CDK19: variants seen among roughly 807,000 people sequenced by gnomAD.
CDK19 encodes the protein cyclin-dependent kinase 19.
CDK19 carries 20 observed loss-of-function variants against 68.3 expected under a neutral mutation model. That is an observed-to-expected ratio of 0.29 (90% CI 0.21 to 0.43). The LOEUF (loss-of-function observed/expected upper bound fraction) is 0.43, where lower values mean the gene tolerates loss of function less well. Ranked by LOEUF, CDK19 falls within the 20% of genes least tolerant of loss-of-function variation. The pLI, the probability that CDK19 is intolerant of heterozygous loss-of-function variation, is 1.00. For synonymous variants in CDK19, 221 were observed against 222.8 expected (o/e 0.99, Z 0.07); for missense variants, 339 against 623.5 (o/e 0.54, Z 4.86).
At chr6:110,776,259 C>T (rs1327827924) in intron 1 of CDK19, among the ~76,000 whole-genome samples, 1 of 151,840 alleles carries the variant, frequency 6.6e-6, no homozygotes, top group Non-Finnish European at 1.5e-5. Flanking sequence ...CAAAAACCCG[C>T]CTCTACTAAA....
rs1778165912 is a variant in CDK19, at chr6:110,614,183, T to C, written c.*352A>G. ...ACATTAAAATCCTATTAAAAGAGCT[T>C]TGAAAAGATAAACCATAGTGATTGC... On this transcript the variant is annotated 3_prime_UTR_variant, in exon 13 of 13. Transcript: ENST00000368911. 5.7e-6 allele frequency: 1 copy of C among 176,224 alleles called. No homozygotes were observed. Among genetic ancestry groups the C allele is most frequent in the South Asian group, 1.7e-4 (1 of 5,786 alleles). 10.9% of individuals were successfully genotyped at this position (176,224 alleles called of 1,614,324 possible). A position where few individuals can be genotyped will look rare whatever the true frequency, so the allele number is the denominator to read the frequency against.
At chr6:110,661,649 A>G (rs532777524) in intron 4 of CDK19, among the ~76,000 whole-genome samples, 2 of 152,288 alleles carry the variant, frequency 1.3e-5, no homozygotes, top group Admixed American at 1.3e-4. Context: ...AAGAAATCAT[A>G]TCTGACTCAA....
intron 12 of CDK19, among the ~76,000 whole-genome samples, chr6:110,619,521 A>G (rs1021065621): frequency 7.9e-5 from 12 of 151,392 alleles, no homozygotes; most frequent in Non-Finnish European, 1.8e-4. Flanking sequence ...GAGCTCTGTG[A>G]GTCTTCTGCT....
At chr6:110,719,699 T>G (rs1455471777) in intron 2 of CDK19, among the ~76,000 whole-genome samples, 1 of 152,098 alleles carries the variant, frequency 6.6e-6, no homozygotes, top group Admixed American at 6.5e-5. Flanking sequence ...TTCTCTTAAA[T>G]AAAGAGTTAG....
chr6:110,644,235 T>C (rs986997069), intron 4 of CDK19, among the ~76,000 whole-genome samples: 1 of 150,158 alleles, frequency 6.7e-6, no homozygotes, highest in African/African-American at 2.5e-5. Flanking sequence ...GAGGTTGCAG[T>C]GAGCCAAGAT....
At chr6:110,803,165 C>T (rs989787533) in intron 1 of CDK19, among the ~76,000 whole-genome samples, 3 of 152,026 alleles carry the variant, frequency 2.0e-5, no homozygotes, top group African/African-American at 4.8e-5. Flanking sequence ...CTGCAACCTC[C>T]GCCTCCCAGG....
At chr6:110,809,175 ACTGCACTCCAGCCTGG>A (rs1562305592) in intron 1 of CDK19, among the ~76,000 whole-genome samples, 6 of 151,286 alleles carry the variant, frequency 4.0e-5, no homozygotes, top group Non-Finnish European at 8.8e-5. Context: ...AGACTGCGCC[ACTGCACTCCAGCCTGG>A]GAGACAGCGA....
At chr6:110,808,000 G>A (rs1782798376) in intron 1 of CDK19, among the ~76,000 whole-genome samples, 1 of 152,066 alleles carries the variant, frequency 6.6e-6, no homozygotes, top group Admixed American at 6.6e-5. Context: ...AGTTCTTCAA[G>A]TATTGGTTTG....
rs150651866 is a variant in CDK19 at position 110,618,121 on chromosome 6, C to T, written c.1377+2983G>A. ...CATAAAGATAGAAACCCAAACCAGA[C>T]TGCATGACTCTCTATTCATTTATTT... On this transcript the variant is annotated intron_variant, in intron 12 of 12. Coordinates refer to ENST00000368911, the MANE Select transcript of CDK19 (RefSeq NM_015076.5). 2.8e-4 allele frequency among the ~76,000 whole-genome samples: 42 copies of T among 152,110 alleles called. No homozygotes were observed. The East Asian group carries it at 6.0e-3, about 22-fold the overall frequency.
At chr6:110,778,317 G>A (rs1293213715) in intron 1 of CDK19, among the ~76,000 whole-genome samples, 1 of 151,984 alleles carries the variant, frequency 6.6e-6, no homozygotes, top group African/African-American at 2.4e-5. Flanking sequence ...TTTAAAAAAG[G>A]AATTCCTATC....
At chr6:110,681,717 A>G (rs191766589) in intron 2 of CDK19, among the ~76,000 whole-genome samples, 4 of 152,298 alleles carry the variant, frequency 2.6e-5, no homozygotes, top group Admixed American at 1.3e-4. Flanking sequence ...ACAACTACAA[A>G]TACGTGTAAT....
intron 6 of CDK19, among the ~76,000 whole-genome samples, chr6:110,628,504 G>T (rs1298418826): frequency 6.6e-6 from 1 of 152,278 alleles, no homozygotes; most frequent in South Asian, 2.1e-4. Flanking sequence ...CCTGGGATGT[G>T]AATCATCCCT....
At chr6:110,771,535 A>C (rs959246726) in intron 1 of CDK19, among the ~76,000 whole-genome samples, 2 of 152,184 alleles carry the variant, frequency 1.3e-5, no homozygotes, top group African/African-American at 4.8e-5. Context: ...CTGTGATGGG[A>C]GAGGCTGCCT....
intron 4 of CDK19, among the ~76,000 whole-genome samples, chr6:110,663,123 T>C (rs1781717525): frequency 6.6e-6 from 1 of 152,196 alleles, no homozygotes; most frequent in Admixed American, 6.5e-5. Flanking sequence ...CTCTAACACA[T>C]TTAATTATAT....
chr6:110,755,093 T>C (rs1040567921), intron 1 of CDK19, among the ~76,000 whole-genome samples: 5 of 148,330 alleles, frequency 3.4e-5, no homozygotes, highest in Admixed American at 2.8e-4. Context: ...CAGGCTGGAG[T>C]GCAGTGGCAC....
chr6:110,627,486 T>A (rs991140777), intron 6 of CDK19, among the ~76,000 whole-genome samples: 6 of 152,120 alleles, frequency 3.9e-5, no homozygotes, highest in Non-Finnish European at 7.4e-5. Context: ...AGCAACAAAT[T>A]CTTTAGATTT....
At chr6:110,810,015 G>C (rs997046223) in intron 1 of CDK19, among the ~76,000 whole-genome samples, 2 of 152,152 alleles carry the variant, frequency 1.3e-5, no homozygotes, top group Admixed American at 6.6e-5. Context: ...AGGGAAAAGG[G>C]GGAGGGAAGA....
At position 110,622,173 on chromosome 6, in the gene CDK19, A is replaced by G; in HGVS notation, c.1032-7T>C. ...CTGGCAGCCGGCAAATACACTAAAA[A>G]TCATTAAAAAGAAAAAACATATCAT... On this transcript the variant is annotated splice_region_variant and splice_polypyrimidine_tract_variant and intron_variant, in intron 10 of 12. Transcript: ENST00000368911. 6.4e-7 allele frequency: 1 copy of G among 1,573,714 alleles called. No individual in the cohort carries two copies.
intron 2 of CDK19, among the ~76,000 whole-genome samples, chr6:110,694,227 G>A (rs1379667537): frequency 6.6e-6 from 1 of 152,138 alleles, no homozygotes; most frequent in Non-Finnish European, 1.5e-5. Flanking sequence ...CACCAACCAA[G>A]TATCTGCTGT....
Sources: allele counts gnomAD v4.1 joint callset (sites outside exome capture counted in the v4.1 genomes callset), GRCh38; gene constraint gnomAD v4.1.1; transcripts MANE v1.5; gene names NCBI Gene and HGNC (gene_info 2026-07-23, HGNC 2026-07-21).